The following ZCCHC7 variants were observed in gnomAD, a reference collection of about 807,000 sequenced individuals.
ZCCHC7 encodes the protein zinc finger CCHC domain-containing protein 7.
Under a neutral mutation model 52.0 loss-of-function variants are expected in ZCCHC7, and 35 were observed. The observed-to-expected ratio is 0.67, with a 90% CI of 0.51 to 0.89. The LOEUF is 0.89. ZCCHC7 is among the 40% of genes least tolerant of loss of function. ZCCHC7 has a pLI of 0.00. For missense variants in ZCCHC7, 574 were observed against 649.1 expected, an observed-to-expected ratio of 0.88 and a Z score of 1.26; for synonymous variants, 217 against 221.5, an observed-to-expected ratio of 0.98 and a Z score of 0.18.
intron 2 of ZCCHC7, among the ~76,000 whole-genome samples, chr9:37,204,793 C>CT (rs1453028893): frequency 2.0e-5 from 3 of 152,162 alleles, no homozygotes; most frequent in African/African-American, 4.8e-5. Context: ...TATGTGGGCT[C>CT]TTTTTTTGGC....
At chr9:37,356,530 T>G (rs994307236) in intron 8 of ZCCHC7, among the ~76,000 whole-genome samples, 4 of 152,256 alleles carry the variant, frequency 2.6e-5, no homozygotes, top group African/African-American at 9.6e-5. Flanking sequence ...AAACTCGTAT[T>G]GGTCAGACAT....
intron 2 of ZCCHC7, among the ~76,000 whole-genome samples, chr9:37,219,971 G>T (rs1824726337): frequency 6.6e-6 from 1 of 152,192 alleles, no homozygotes; most frequent in Non-Finnish European, 1.5e-5. Flanking sequence ...TTGAGTCCAT[G>T]GGAGAAGTGA....
chr9:37,148,729 G>T (rs78088252), intron 2 of ZCCHC7, among the ~76,000 whole-genome samples: 1 of 151,822 alleles, frequency 6.6e-6, no homozygotes, highest in Non-Finnish European at 1.5e-5. Flanking sequence ...TTTTTAAGGG[G>T]TTTATATATT....
chr9:37,173,948 G>A (rs768877212), intron 2 of ZCCHC7, among the ~76,000 whole-genome samples: 1 of 152,082 alleles, frequency 6.6e-6, no homozygotes, highest in Non-Finnish European at 1.5e-5. Context: ...TGTGAAAGCC[G>A]TAACATCTCT....
chr9:37,287,772 A>T (rs1482825462), intron 2 of ZCCHC7, among the ~76,000 whole-genome samples: 3 of 152,068 alleles, frequency 2.0e-5, no homozygotes, highest in Non-Finnish European at 2.9e-5. Flanking sequence ...AGCTAGTCCT[A>T]ATTACATTTG....
At chr9:37,287,768 T>C (rs1253008358) in intron 2 of ZCCHC7, among the ~76,000 whole-genome samples, 2 of 152,178 alleles carry the variant, frequency 1.3e-5, no homozygotes, top group African/African-American at 4.8e-5. Flanking sequence ...ATGTAGCTAG[T>C]CCTAATTACA....
At chr9:37,133,322 A>G (rs1842867305) in intron 2 of ZCCHC7, among the ~76,000 whole-genome samples, 1 of 152,086 alleles carries the variant, frequency 6.6e-6, no homozygotes, top group South Asian at 2.1e-4. Flanking sequence ...CATAATGAGA[A>G]GAAAAATATA....
At chr9:37,267,920 G>C (rs1827195772) in intron 2 of ZCCHC7, among the ~76,000 whole-genome samples, 1 of 152,016 alleles carries the variant, frequency 6.6e-6, no homozygotes, top group Admixed American at 6.6e-5. Flanking sequence ...GCCCAGCCTG[G>C]TCTTGAACTC....
chr9:37,157,934 T>C (rs547010727), intron 2 of ZCCHC7, among the ~76,000 whole-genome samples: 1 of 152,364 alleles, frequency 6.6e-6, no homozygotes, highest in Non-Finnish European at 1.5e-5. Context: ...GCAGTTCTGC[T>C]TCTGCCTGTA....
chr9:37,294,306 G>A (rs1828677476), intron 2 of ZCCHC7, among the ~76,000 whole-genome samples: 1 of 152,168 alleles, frequency 6.6e-6, no homozygotes, highest in Admixed American at 6.5e-5. Context: ...TGTTTCAGTT[G>A]CTTATTAGAA....
At chr9:37,238,015 A>C (rs1164520206) in intron 2 of ZCCHC7, among the ~76,000 whole-genome samples, 2 of 152,160 alleles carry the variant, frequency 1.3e-5, no homozygotes, top group Non-Finnish European at 2.9e-5. Context: ...TGAACATATA[A>C]AAATCTCACC....
At chr9:37,273,019 G>C (rs1827501709) in intron 2 of ZCCHC7, among the ~76,000 whole-genome samples, 1 of 152,212 alleles carries the variant, frequency 6.6e-6, no homozygotes, top group Admixed American at 6.5e-5. Context: ...AGTTTCAGTA[G>C]AGCAGGGGTT....
chr9:37,141,390 G>A (rs578170456), intron 2 of ZCCHC7, among the ~76,000 whole-genome samples: 1 of 151,612 alleles, frequency 6.6e-6, no homozygotes, highest in African/African-American at 2.4e-5. Flanking sequence ...AAGAATTATT[G>A]TGTGGTACTT....
chr9:37,222,373 GT>G, intron 2 of ZCCHC7, among the ~76,000 whole-genome samples: 1 of 133,198 alleles, frequency 7.5e-6, no homozygotes, highest in South Asian at 2.5e-4. Flanking sequence ...GTGTGTGTGT[GT>G]GTGTTTTCAA....
At chr9:37,236,106 A>G (rs905801873) in intron 2 of ZCCHC7, among the ~76,000 whole-genome samples, 1 of 152,096 alleles carries the variant, frequency 6.6e-6, no homozygotes, top group Non-Finnish European at 1.5e-5. Flanking sequence ...CTCTACTTCT[A>G]GTTTTTTGAG....
chr9:37,328,122 G>C (rs1489575567), intron 6 of ZCCHC7, among the ~76,000 whole-genome samples: 1 of 151,936 alleles, frequency 6.6e-6, no homozygotes, highest in East Asian at 1.9e-4. Flanking sequence ...AAGGGAAAAA[G>C]TATACTGGGA....
chr9:37,262,256 C>CT (rs761650543), intron 2 of ZCCHC7, among the ~76,000 whole-genome samples: 5 of 150,354 alleles, frequency 3.3e-5, no homozygotes, highest in Admixed American at 6.6e-5. Context: ...TAGATAAACT[C>CT]TAAGAAAGTA....
At chr9:37,260,653 G>A (rs1826821186) in intron 2 of ZCCHC7, among the ~76,000 whole-genome samples, 1 of 152,158 alleles carries the variant, frequency 6.6e-6, no homozygotes, top group Non-Finnish European at 1.5e-5. Flanking sequence ...TCCCTAAGAT[G>A]AACTATTTGA....
intron 6 of ZCCHC7, among the ~76,000 whole-genome samples, chr9:37,333,363 A>G (rs1387923391): frequency 2.0e-5 from 3 of 151,716 alleles, no homozygotes; most frequent in Admixed American, 1.3e-4. Context: ...TCAATAATCA[A>G]ATAATTGAAT....
Sources: gnomAD v4.1 joint callset for allele counts (sites outside exome capture counted in the v4.1 genomes callset) on GRCh38, gnomAD v4.1.1 for gene constraint, MANE v1.5 for transcripts, NCBI Gene and HGNC (gene_info 2026-07-23, HGNC 2026-07-21) for gene names.